The following KCNIP1 variants were observed in gnomAD, a reference collection of about 807,000 sequenced individuals.
The protein encoded by KCNIP1 is A-type potassium channel modulatory protein KCNIP1.
In KCNIP1, 18 loss-of-function variants were observed where a neutral mutation model predicts 33.0. That is an observed-to-expected ratio of 0.55 (90% CI 0.38 to 0.81). The LOEUF is 0.81. Ranked by LOEUF, KCNIP1 falls within the 30% of genes least tolerant of loss-of-function variation. KCNIP1 has a pLI of 0.00. For synonymous variants in KCNIP1, 93 were observed against 98.3 expected (o/e 0.95, Z 0.32); for missense variants, 238 against 271.6 (o/e 0.88, Z 0.87).
chr5:170,524,568 A>G (rs1427908921), intron 1 of KCNIP1, among the ~76,000 whole-genome samples: 6 of 152,136 alleles, frequency 3.9e-5, no homozygotes, highest in African/African-American at 1.4e-4. Flanking sequence ...TGACATATTC[A>G]TGTAAAAGAC....
At chr5:170,606,106 C>T (rs1045326235) in intron 1 of KCNIP1, among the ~76,000 whole-genome samples, 1 of 152,146 alleles carries the variant, frequency 6.6e-6, no homozygotes, top group African/African-American at 2.4e-5. Context: ...GAGTAACATT[C>T]CATTGTGTGG....
intron 1 of KCNIP1, among the ~76,000 whole-genome samples, chr5:170,463,901 A>T (rs1454564559): frequency 6.6e-6 from 1 of 152,200 alleles, no homozygotes; most frequent in Non-Finnish European, 1.5e-5. Flanking sequence ...ATACCACCTT[A>T]TATAGAGACA....
intron 1 of KCNIP1, among the ~76,000 whole-genome samples, chr5:170,585,154 A>T (rs1408724439): frequency 6.8e-6 from 1 of 146,700 alleles, no homozygotes; most frequent in East Asian, 1.9e-4. Context: ...AAAAAGAAAA[A>T]AAAGAAAAAA....
At position 170,522,581 on chromosome 5, in the gene KCNIP1, A is replaced by G. The variant is rs112076044; in HGVS notation, c.61+17948A>G. Reference sequence around the variant, plus strand: ...GCAAAATCAGGCTTCCAAGCCCCCAAGGCTCACTGCCAGAGGCTGGGGAAT... The same window carrying G: ...GCAAAATCAGGCTTCCAAGCCCCCAGGGCTCACTGCCAGAGGCTGGGGAAT... On this transcript the variant is annotated intron_variant, in intron 1 of 7. Coordinates refer to ENST00000328939, the MANE Select transcript of KCNIP1 (RefSeq NM_014592.4). 7.8e-4 allele frequency among the ~76,000 whole-genome samples: 119 copies of G among 152,348 alleles called. 1 individual carries two copies. The highest frequency in any genetic ancestry group is 2.7e-3 in the African/African-American group (112 of 41,586).
chr5:170,534,090 G>A (rs925529426), intron 1 of KCNIP1, among the ~76,000 whole-genome samples: 7 of 152,190 alleles, frequency 4.6e-5, no homozygotes, highest in Non-Finnish European at 7.3e-5. Context: ...AACATTCAGC[G>A]ATTCACAAAC....
intron 1 of KCNIP1, among the ~76,000 whole-genome samples, chr5:170,452,717 A>G (rs1260176154): frequency 6.6e-6 from 1 of 152,228 alleles, no homozygotes; most frequent in Non-Finnish European, 1.5e-5. Context: ...CCTGACAAAG[A>G]AGCGAACTGT....
At chr5:170,638,958 G>A (rs555063683) in intron 1 of KCNIP1, among the ~76,000 whole-genome samples, 3 of 152,316 alleles carry the variant, frequency 2.0e-5, no homozygotes, top group Non-Finnish European at 2.9e-5. Flanking sequence ...TCCACCCTAG[G>A]AGCCCCAATT....
chr5:170,370,206 C>T (rs1389657295), intron 1 of KCNIP1, among the ~76,000 whole-genome samples: 2 of 152,038 alleles, frequency 1.3e-5, no homozygotes, highest in African/African-American at 2.4e-5. Context: ...GAGCCCAAAT[C>T]GAAAAGAATC....
intron 1 of KCNIP1, among the ~76,000 whole-genome samples, chr5:170,603,760 C>A (rs971728088): frequency 6.6e-6 from 1 of 152,190 alleles, no homozygotes; most frequent in Non-Finnish European, 1.5e-5. Flanking sequence ...TGGGCCAGGG[C>A]CCCAGCTGAG....
At chr5:170,479,921 A>G in intron 1 of KCNIP1, among the ~76,000 whole-genome samples, 1 of 152,250 alleles carries the variant, frequency 6.6e-6, no homozygotes, top group Non-Finnish European at 1.5e-5. Flanking sequence ...AATTGAAACA[A>G]TTAAAAATTC....
intron 1 of KCNIP1, among the ~76,000 whole-genome samples, chr5:170,672,071 A>G (rs1247961536): frequency 6.6e-6 from 1 of 152,168 alleles, no homozygotes. Flanking sequence ...TCTGGAAGGA[A>G]AAGGTATTGG....
In KCNIP1 at chr5:170,528,339, A is replaced by G. The variant is rs148391749; in HGVS notation, c.61+23706A>G. 1.8e-3 allele frequency among the ~76,000 whole-genome samples: 276 copies of G among 152,324 alleles called. 1 individual carries two copies. Among genetic ancestry groups the G allele is most frequent in the African/African-American group, 6.3e-3 (260 of 41,574 alleles). ...CTTCTAAAGCCTCTTAGACCCTGGT[A>G]ATCTTCCTCCTAACACCATCGGGTG... On this transcript the variant is annotated intron_variant, in intron 1 of 7. Transcript: ENST00000328939.
At chr5:170,718,967 C>T (rs941488256) in intron 2 of KCNIP1, 85 bp downstream of exon 2, 42 of 1,526,554 alleles carry the variant, frequency 2.8e-5, no homozygotes, top group Non-Finnish European at 3.5e-5. Context: ...GCTCATAAGG[C>T]GTTTCCCATA....
chr5:170,534,788 C>T (rs1755913924), intron 1 of KCNIP1, among the ~76,000 whole-genome samples: 1 of 151,752 alleles, frequency 6.6e-6, no homozygotes, highest in African/African-American at 2.4e-5. Context: ...TCTCAAAGTG[C>T]TGGGATTACC....
At chr5:170,508,077 C>T (rs1364383598) in intron 1 of KCNIP1, among the ~76,000 whole-genome samples, 1 of 152,146 alleles carries the variant, frequency 6.6e-6, no homozygotes, top group Non-Finnish European at 1.5e-5. Flanking sequence ...GGCTTGTCAG[C>T]GGGGCAGGAG....
At chr5:170,541,598 A>G (rs575554115) in intron 1 of KCNIP1, among the ~76,000 whole-genome samples, 116 of 152,330 alleles carry the variant, frequency 7.6e-4, no homozygotes, top group African/African-American at 2.8e-3. Context: ...GTACTTTGTC[A>G]TCTTCTTCTC....
At chr5:170,397,776 T>G (rs1754799364) in intron 1 of KCNIP1, among the ~76,000 whole-genome samples, 1 of 152,226 alleles carries the variant, frequency 6.6e-6, no homozygotes, top group African/African-American at 2.4e-5. Flanking sequence ...CTTGAGAATA[T>G]GTGCCCAAGG....
intron 1 of KCNIP1, among the ~76,000 whole-genome samples, chr5:170,711,361 C>G (rs1240499085): frequency 6.6e-6 from 1 of 152,220 alleles, no homozygotes; most frequent in Non-Finnish European, 1.5e-5. Flanking sequence ...TCATCTCTCT[C>G]CTAATACCTA....
Position 170,669,566 on chromosome 5 carries a change from G to A in KCNIP1, c.62-49192G>A, listed in dbSNP as rs1017703479. On this transcript the variant is annotated intron_variant, in intron 1 of 7. Coordinates refer to ENST00000328939, the MANE Select transcript of KCNIP1 (RefSeq NM_014592.4). ...GGTTGATGGAAGTAGCAGGCTTCCA[G>A]CAGCAGGGGATGGAGTGAGTGTGTG... 1.6e-5 allele frequency: 16 copies of A among 985,108 alleles called. No individual in the cohort carries two copies. In the African/African-American group the frequency reaches 2.8e-4, roughly 17 times the overall value. 61.0% of individuals were successfully genotyped at this position (985,108 alleles called of 1,614,324 possible).
Sources: gnomAD v4.1 joint callset for allele counts (sites outside exome capture counted in the v4.1 genomes callset) on GRCh38, gnomAD v4.1.1 for gene constraint, MANE v1.5 for transcripts, NCBI Gene and HGNC (gene_info 2026-07-23, HGNC 2026-07-21) for gene names.